Variants in MARCHF6 observed in about 807,000 individuals in gnomAD.
MARCHF6 encodes E3 ubiquitin-protein ligase MARCHF6.
Under a neutral mutation model 133.7 loss-of-function variants are expected in MARCHF6, and 31 were observed. That is an observed-to-expected ratio of 0.23 (90% CI 0.17 to 0.31). MARCHF6 has a LOEUF of 0.31. MARCHF6 is among the 10% of genes least tolerant of loss of function. The probability of loss-of-function intolerance (pLI) is 1.00; values close to 1 mark genes in which losing one functional copy is unlikely to be tolerated. For missense variants in MARCHF6, 723 were observed against 1,121.6 expected (o/e 0.64, Z 5.08); for synonymous variants, 395 against 402.5 (o/e 0.98, Z 0.22).
chr5:10,433,545 A>T, intron 25 of MARCHF6, 49 bp from the exon 26 acceptor site: 1 of 1,329,560 alleles, frequency 7.5e-7, no homozygotes, highest in Non-Finnish European at 1.1e-6. Context: ...TGAATGTTTT[A>T]CTCTGTACAT....
At chr5:10,378,044 T>C (rs927465814) in intron 2 of MARCHF6, 150 bp downstream of exon 2, 12 of 550,126 alleles carry the variant, frequency 2.2e-5, no homozygotes, top group Admixed American at 6.4e-5. Flanking sequence ...AAAAGCCCTT[T>C]TATTGTAAAA....
chr5:10,381,135 A>G (rs751673943), intron 3 of MARCHF6, among the ~76,000 whole-genome samples: 3 of 152,110 alleles, frequency 2.0e-5, no homozygotes, highest in Non-Finnish European at 2.9e-5. Flanking sequence ...GAGGTTTTTG[A>G]TAATAGGCAG....
chr5:10,433,699 C>T lies in MARCHF6; in HGVS notation c.*15C>T. On this transcript the variant is annotated 3_prime_UTR_variant, in exon 26 of 26. Coordinates refer to ENST00000274140, the MANE Select transcript of MARCHF6 (RefSeq NM_005885.4). ...CCCAAGAATAAAGTAGTTGTCTCAA[C>T]AACTTGACCTTCCCCTTTACATGTC... 3 of 1,604,614 alleles carry T rather than the reference C, an allele frequency of 1.9e-6. No homozygotes were observed. Among genetic ancestry groups the T allele is most frequent in the Non-Finnish European group, 2.6e-6 (3 of 1,171,264 alleles).
At chr5:10,370,665 G>A (rs773558940) in intron 1 of MARCHF6, among the ~76,000 whole-genome samples, 141 of 151,136 alleles carry the variant, frequency 9.3e-4, no homozygotes, top group Non-Finnish European at 1.6e-3. Flanking sequence ...AACTAACCCA[G>A]CACAAAGCTG....
intron 14 of MARCHF6, 88 bp downstream of exon 14, chr5:10,402,695 G>GCAAATTAT: frequency 1.8e-6 from 2 of 1,108,118 alleles, no homozygotes; most frequent in Non-Finnish European, 2.7e-6. Flanking sequence ...TTAAAGGAAA[G>GCAAATTAT]CAAATATTTG....
At position 10,390,321 on chromosome 5, in the gene MARCHF6, T is replaced by C; in HGVS notation, c.408-11T>C. 3 of 1,611,048 alleles carry C rather than the reference T, an allele frequency of 1.9e-6. No homozygotes were observed. The highest frequency in any genetic ancestry group is 2.5e-6 in the Non-Finnish European group (3 of 1,178,828). On this transcript the variant is annotated splice_polypyrimidine_tract_variant and intron_variant, in intron 5 of 25. Transcript: ENST00000274140. ...CTTTGGAGTAATTATATGTACTTTTTTTTTTAATAGGGAAAATTTGTTGGC... is the reference window on the plus strand; with the variant it reads ...CTTTGGAGTAATTATATGTACTTTTCTTTTTAATAGGGAAAATTTGTTGGC...
intron 1 of MARCHF6, among the ~76,000 whole-genome samples, chr5:10,371,239 C>A (rs1161855659): frequency 6.6e-6 from 1 of 152,168 alleles, no homozygotes; most frequent in African/African-American, 2.4e-5. Context: ...ATTACCCTAC[C>A]CCTTTCAACC....
At chr5:10,407,967 A>C (rs1259444768) in intron 17 of MARCHF6, among the ~76,000 whole-genome samples, 44 of 122,072 alleles carry the variant, frequency 3.6e-4, no homozygotes, top group African/African-American at 1.2e-3. Context: ...CCCCCCCCCA[A>C]AAAAAAAAGC....
At chr5:10,422,211 C>T (rs990977930) in intron 22 of MARCHF6, among the ~76,000 whole-genome samples, 6 of 152,064 alleles carry the variant, frequency 3.9e-5, no homozygotes, top group African/African-American at 1.4e-4. Flanking sequence ...ATGCAAAGCA[C>T]TGGGCAAAAC....
chr5:10,400,884 C>A, intron 11 of MARCHF6, 42 bp downstream of exon 11: 1 of 1,387,606 alleles, frequency 7.2e-7, no homozygotes, highest in Non-Finnish European at 1.0e-6. Flanking sequence ...ATTCATTACT[C>A]CCAAATGTGA....
intron 1 of MARCHF6, among the ~76,000 whole-genome samples, chr5:10,357,095 G>A (rs983015728): frequency 2.0e-4 from 31 of 152,102 alleles, no homozygotes; most frequent in African/African-American, 7.5e-4. Flanking sequence ...TTAAACTTCA[G>A]AGCTATAGGA....
At chr5:10,397,126 A>C (rs1738237981) in intron 9 of MARCHF6, among the ~76,000 whole-genome samples, 167 bp from the exon 10 acceptor site, 1 of 152,176 alleles carries the variant, frequency 6.6e-6, no homozygotes, top group African/African-American at 2.4e-5. Context: ...TCTAATGAAA[A>C]ATGAAAGTTA....
At chr5:10,408,728 C>T (rs549869665) in intron 17 of MARCHF6, among the ~76,000 whole-genome samples, 2 of 151,866 alleles carry the variant, frequency 1.3e-5, no homozygotes, top group Admixed American at 6.6e-5. Flanking sequence ...TTGGGGAGAC[C>T]GGGTTTTACC....
At chr5:10,360,144 G>GTTTTTTTT (rs1164778520) in intron 1 of MARCHF6, among the ~76,000 whole-genome samples, 1 of 75,094 alleles carries the variant, frequency 1.3e-5, no homozygotes, top group Non-Finnish European at 2.4e-5. Flanking sequence ...ATGTGTGTGT[G>GTTTTTTTT]TTTTTTTTTT....
chr5:10,371,555 G>C (rs952246189), intron 1 of MARCHF6, among the ~76,000 whole-genome samples: 7 of 152,130 alleles, frequency 4.6e-5, no homozygotes, highest in Admixed American at 3.3e-4. Flanking sequence ...CAAACCATCA[G>C]ATCTCATGAG....
chr5:10,395,798 C>A (rs1445692674), intron 9 of MARCHF6, among the ~76,000 whole-genome samples: 1 of 152,204 alleles, frequency 6.6e-6, no homozygotes, highest in East Asian at 1.9e-4. Flanking sequence ...TGGCCTTCTC[C>A]TCAGGCTGGC....
intron 19 of MARCHF6, among the ~76,000 whole-genome samples, chr5:10,412,917 T>C (rs1189969651): frequency 2.0e-5 from 3 of 150,906 alleles, no homozygotes; most frequent in African/African-American, 7.3e-5. Flanking sequence ...CCAGGAGAGG[T>C]GAGGAACAAG....
chr5:10,409,704 A>G (rs556377861), intron 17 of MARCHF6, among the ~76,000 whole-genome samples: 2 of 152,278 alleles, frequency 1.3e-5, no homozygotes, highest in East Asian at 1.9e-4. Flanking sequence ...GGTCAGAAAC[A>G]GGAAGCCAGC....
intron 5 of MARCHF6, among the ~76,000 whole-genome samples, chr5:10,390,053 G>T (rs1737730429): frequency 6.6e-6 from 1 of 152,126 alleles, no homozygotes; most frequent in Non-Finnish European, 1.5e-5. Context: ...ATAGGCTATG[G>T]ATAGGTAATT....
Sources: allele counts gnomAD v4.1 joint callset (sites outside exome capture counted in the v4.1 genomes callset), GRCh38; gene constraint gnomAD v4.1.1; transcripts MANE v1.5; gene names NCBI Gene and HGNC (gene_info 2026-07-23, HGNC 2026-07-21).